CMTM4: variants seen among roughly 807,000 people sequenced by gnomAD.
The protein encoded by CMTM4 is CKLF-like MARVEL transmembrane domain-containing protein 4.
A neutral mutation model predicts 19.0 loss-of-function variants in CMTM4; 8 were observed. The ratio of observed to expected loss-of-function variants is 0.42; its 90% CI spans 0.25 to 0.76. The LOEUF is 0.76. CMTM4 is among the 30% of genes least tolerant of loss of function. CMTM4 has a pLI of 0.27. For missense variants in CMTM4, 228 were observed against 290.2 expected, an observed-to-expected ratio of 0.79 and a Z score of 1.56; for synonymous variants, 106 against 121.1, an observed-to-expected ratio of 0.88 and a Z score of 0.82.
chr16:66,696,117 G>A lies in CMTM4; in HGVS notation c.186+223C>T, dbSNP rs1474121078. 6.6e-6 allele frequency among the ~76,000 whole-genome samples: 1 copy of A among 152,188 alleles called. No individual in the cohort carries two copies. The highest frequency in any genetic ancestry group is 2.4e-5 in the African/African-American group (1 of 41,464). On this transcript the variant is annotated intron_variant, in intron 1 of 3. Coordinates refer to ENST00000394106, the MANE Select transcript of CMTM4 (RefSeq NM_181521.3). The surrounding 1 kb of genome is among the most constrained non-coding windows in gnomAD (Gnocchi z 4.3). Reference sequence around the variant, plus strand: ...GAAGGCAGGTGCTCAGGTAGGAGGCGCACACCTGAGGCTGCCGGCCTGGGA... The same window carrying A: ...GAAGGCAGGTGCTCAGGTAGGAGGCACACACCTGAGGCTGCCGGCCTGGGA...
At chr16:66,677,909 G>A (rs1469742770) in intron 1 of CMTM4, among the ~76,000 whole-genome samples, 2 of 152,164 alleles carry the variant, frequency 1.3e-5, no homozygotes, top group African/African-American at 4.8e-5. Flanking sequence ...CGCTGGCCAG[G>A]CTGGTCTCAA....
rs550721562 is a variant in CMTM4, at chr16:66,616,180, C to A, written c.*5878G>T. On this transcript the variant is annotated 3_prime_UTR_variant, in exon 4 of 4. Coordinates refer to ENST00000394106, the MANE Select transcript of CMTM4 (RefSeq NM_181521.3). ...TTATCTTGTTTAACTAAATGTACAT[C>A]TTTTTTTCCAATTCCATGATTGACA... The A allele has an allele frequency of 3.7e-4, 56 of 152,176 alleles. No homozygotes were observed. The highest frequency in any genetic ancestry group is 1.3e-3 in the African/African-American group (56 of 41,514). 9.4% of individuals were successfully genotyped at this position (152,176 alleles called of 1,614,324 possible).
At chr16:66,651,234 C>T (rs571670646) in intron 1 of CMTM4, among the ~76,000 whole-genome samples, 2 of 152,234 alleles carry the variant, frequency 1.3e-5, no homozygotes, top group South Asian at 2.1e-4. Context: ...AGAAGAGGCA[C>T]GAAGCCTCTC....
intron 1 of CMTM4, among the ~76,000 whole-genome samples, chr16:66,644,072 T>C (rs980563008): frequency 2.6e-5 from 4 of 152,150 alleles, no homozygotes; most frequent in Non-Finnish European, 4.4e-5. Flanking sequence ...AGTACTTCTG[T>C]GCAGGAGTTT....
chr16:66,680,180 A>G (rs906971857), intron 1 of CMTM4, among the ~76,000 whole-genome samples: 1 of 152,196 alleles, frequency 6.6e-6, no homozygotes, highest in Admixed American at 6.6e-5. Flanking sequence ...CAAGAAATAT[A>G]ATAAATCATA....
chr16:66,613,068 G>A (rs1424216167), downstream of CMTM4: 8 of 703,016 alleles, frequency 1.1e-5, no homozygotes, highest in Non-Finnish European at 2.1e-5. Flanking sequence ...CCAGGCCCCG[G>A]TGGGTTTGTC....
At chr16:66,664,879 G>A (rs548740689) in intron 1 of CMTM4, among the ~76,000 whole-genome samples, 4 of 151,652 alleles carry the variant, frequency 2.6e-5, no homozygotes, top group African/African-American at 7.3e-5. Context: ...TGTAATCCCA[G>A]CACTTTGGGA....
intron 1 of CMTM4, among the ~76,000 whole-genome samples, chr16:66,639,719 C>A (rs2016064667): frequency 6.6e-6 from 1 of 151,740 alleles, no homozygotes; most frequent in African/African-American, 2.4e-5. Context: ...CCTGTCTCTA[C>A]TAAAAATACA....
At chr16:66,659,317 G>A (rs1465750370) in intron 1 of CMTM4, among the ~76,000 whole-genome samples, 1 of 151,848 alleles carries the variant, frequency 6.6e-6, no homozygotes, top group Non-Finnish European at 1.5e-5. Context: ...GGAGGTTGCA[G>A]TGAGCCGAGA....
At chr16:66,601,093 G>A in the CMTM4 span, among the ~76,000 whole-genome samples, 1 of 148,768 alleles carries the variant, frequency 6.7e-6, no homozygotes, top group Non-Finnish European at 1.5e-5. Context: ...TTGTGTGTGT[G>A]TGTGTGTGTG....
the CMTM4 span, among the ~76,000 whole-genome samples, chr16:66,600,403 C>T: frequency 1.3e-5 from 2 of 152,244 alleles, no homozygotes; most frequent in South Asian, 4.1e-4. Context: ...CCTCAGCCTC[C>T]CAAAGTGCTG....
intron 1 of CMTM4, among the ~76,000 whole-genome samples, chr16:66,656,649 A>C (rs1166897929): frequency 6.6e-6 from 1 of 151,912 alleles, no homozygotes; most frequent in Non-Finnish European, 1.5e-5. Context: ...TATTAACTAC[A>C]TAGAAAAAAA....
chr16:66,626,584 C>T (rs575875963), intron 2 of CMTM4, among the ~76,000 whole-genome samples: 1 of 150,402 alleles, frequency 6.6e-6, no homozygotes, highest in African/African-American at 2.5e-5. Context: ...CCAGCCTGGG[C>T]GACAGAGTGA....
chr16:66,696,252 G>C lies in CMTM4; in HGVS notation c.186+88C>G. 3 of 987,352 alleles carry C rather than the reference G, an allele frequency of 3.0e-6. No homozygotes were observed. The highest frequency in any genetic ancestry group is 3.9e-6 in the Non-Finnish European group (3 of 760,846). The allele number at this position is 987,352 out of a possible 1,614,324, so 61.2% of individuals were successfully genotyped here. Reference sequence around the variant, plus strand: ...AGCGGGCTCCGGCCTGGGCAAGCGGGTACGCGGCGGAGGCCCCGCAGCGGG... The same window carrying C: ...AGCGGGCTCCGGCCTGGGCAAGCGGCTACGCGGCGGAGGCCCCGCAGCGGG... On this transcript the variant is annotated intron_variant, in intron 1 of 3. Coordinates refer to ENST00000394106, the MANE Select transcript of CMTM4 (RefSeq NM_181521.3). The surrounding 1 kb of genome is among the most constrained non-coding windows in gnomAD (Gnocchi z 4.3).
At chr16:66,604,923 C>G in the CMTM4 span, 12 of 1,497,386 alleles carry the variant, frequency 8.0e-6, no homozygotes, top group African/African-American at 1.7e-4. Context: ...CCTCTGCTCT[C>G]TCAAAGGCCG....
downstream of CMTM4, among the ~76,000 whole-genome samples, chr16:66,612,411 G>T (rs1567396797): frequency 2.0e-5 from 3 of 152,232 alleles, no homozygotes; most frequent in African/African-American, 7.2e-5. This position sits in a 1 kb window ranked among gnomAD's most constrained non-coding sequence, Gnocchi z 6.0. Flanking sequence ...AAGAGAGAGA[G>T]AAAGTGGCTG....
At chr16:66,605,040 G>A in the CMTM4 span, 130 of 1,226,730 alleles carry the variant, frequency 1.1e-4, no homozygotes, top group Non-Finnish European at 1.3e-4. This position sits in a 1 kb window ranked among gnomAD's most constrained non-coding sequence, Gnocchi z 4.6. Flanking sequence ...GGGTCCGGGG[G>A]CGGCCGCCGT....
At chr16:66,631,240 C>T (rs1395788393) in intron 2 of CMTM4, among the ~76,000 whole-genome samples, 4 of 150,278 alleles carry the variant, frequency 2.7e-5, no homozygotes, top group Admixed American at 6.6e-5. Context: ...CCCGGCCAGC[C>T]GCCCCGTCCA....
At chr16:66,604,766 G>A in the CMTM4 span, 2 of 1,221,326 alleles carry the variant, frequency 1.6e-6, no homozygotes, top group Non-Finnish European at 2.0e-6. Flanking sequence ...GCGAGAAGAG[G>A]GGAGCCAGGC....
Sources: allele counts gnomAD v4.1 joint callset (sites outside exome capture counted in the v4.1 genomes callset), GRCh38; gene constraint gnomAD v4.1.1; non-coding constraint Gnocchi (gnomAD v3.1); transcripts MANE v1.5; gene names NCBI Gene and HGNC (gene_info 2026-07-23, HGNC 2026-07-21).